Variants in TNFRSF11A observed in about 807,000 individuals in gnomAD.
TNFRSF11A encodes TNF receptor superfamily member 11a.
A neutral mutation model predicts 55.7 loss-of-function variants in TNFRSF11A; 32 were observed. That is an observed-to-expected ratio of 0.57 (90% CI 0.43 to 0.77). The LOEUF is 0.77. TNFRSF11A is among the 30% of genes least tolerant of loss of function. TNFRSF11A has a pLI of 0.00. For synonymous variants in TNFRSF11A, 311 were observed against 331.0 expected (o/e 0.94, Z 0.65); for missense variants, 753 against 809.8 (o/e 0.93, Z 0.85).
intron 1 of TNFRSF11A, among the ~76,000 whole-genome samples, chr18:62,335,292 G>A (rs1478370579): frequency 6.6e-6 from 1 of 151,962 alleles, no homozygotes. Context: ...TGTATTTTTA[G>A]TAGAGACAGG....
At chr18:62,337,851 G>A (rs1743603982) in intron 1 of TNFRSF11A, among the ~76,000 whole-genome samples, 1 of 152,194 alleles carries the variant, frequency 6.6e-6, no homozygotes, top group Admixed American at 6.5e-5. Context: ...CTGGCGCATA[G>A]TATGTGTTCA....
chr18:62,372,388 T>G (rs1440991458), intron 9 of TNFRSF11A, among the ~76,000 whole-genome samples: 1 of 152,136 alleles, frequency 6.6e-6, no homozygotes, highest in Non-Finnish European at 1.5e-5. Context: ...TTATGATTAA[T>G]GTGTCTGTTG....
rs376547854 is a variant in TNFRSF11A, at chr18:62,374,836, C to A, written c.1567+5352C>A. 1.4e-4 allele frequency among the ~76,000 whole-genome samples: 22 copies of A among 152,264 alleles called. No individual in the cohort carries two copies. The East Asian group carries it at 2.5e-3, about 17-fold the overall frequency. On this transcript the variant is annotated intron_variant, in intron 9 of 9. Coordinates refer to ENST00000586569, the MANE Select transcript of TNFRSF11A (RefSeq NM_003839.4). ...ACTTACTTGCTATTTTTAACACTCT[C>A]AAGTTACCTGAACATTTTTCTGGTT...
chr18:62,353,712 CGTGTGTGT>C (rs35838037), intron 3 of TNFRSF11A, among the ~76,000 whole-genome samples: 1 of 151,020 alleles, frequency 6.6e-6, no homozygotes, highest in Non-Finnish European at 1.5e-5. Flanking sequence ...ATAACAGATA[CGTGTGTGT>C]GTGTGTGTGT....
chr18:62,368,230 G>A (rs1321278723), intron 8 of TNFRSF11A, among the ~76,000 whole-genome samples: 2 of 152,250 alleles, frequency 1.3e-5, no homozygotes, highest in East Asian at 1.9e-4. Context: ...TTCCCCAGCT[G>A]TATGAAACCT....
At chr18:62,336,298 T>A (rs1280342514) in intron 1 of TNFRSF11A, 1 of 152,228 alleles carries the variant, frequency 6.6e-6, no homozygotes, top group Non-Finnish European at 1.5e-5. Flanking sequence ...AACCTGCATT[T>A]TAATAAAATT....
chr18:62,343,142 C>A lies in TNFRSF11A; in HGVS notation c.76-5026C>A, dbSNP rs1416529540. Among the ~76,000 whole-genome samples the A allele has an allele frequency of 3.3e-5, 5 of 152,274 alleles. No homozygotes were observed. The East Asian group carries it at 5.8e-4, about 18-fold the overall frequency. ...CTCTCTTAAGAAAAACCACATCTTTCGACTCTACTGTAAGATTCAGAAATT... is the reference window on the plus strand; with the variant it reads ...CTCTCTTAAGAAAAACCACATCTTTAGACTCTACTGTAAGATTCAGAAATT... On this transcript the variant is annotated intron_variant, in intron 1 of 9. Coordinates refer to ENST00000586569, the MANE Select transcript of TNFRSF11A (RefSeq NM_003839.4).
intron 9 of TNFRSF11A, among the ~76,000 whole-genome samples, chr18:62,370,534 T>TTGGGG: frequency 6.6e-6 from 1 of 152,350 alleles, no homozygotes; most frequent in South Asian, 2.1e-4. Context: ...GCTAGATCTG[T>TTGGGG]GCCTTAAACA....
intron 7 of TNFRSF11A, among the ~76,000 whole-genome samples, chr18:62,365,330 G>T (rs979750821): frequency 6.6e-6 from 1 of 152,162 alleles, no homozygotes; most frequent in African/African-American, 2.4e-5. Context: ...TTGTATCTTT[G>T]CATAATATAA....
At chr18:62,359,372 A>G (rs1352778592) in intron 5 of TNFRSF11A, among the ~76,000 whole-genome samples, 1 of 151,568 alleles carries the variant, frequency 6.6e-6, no homozygotes, top group Non-Finnish European at 1.5e-5. Context: ...AATTGAAGCT[A>G]TTGGAATATG....
intron 9 of TNFRSF11A, among the ~76,000 whole-genome samples, chr18:62,375,103 A>C (rs1191444662): frequency 6.8e-6 from 1 of 146,236 alleles, no homozygotes. Context: ...TTTTTTAGAG[A>C]CTGAGTTTCG....
intron 1 of TNFRSF11A, among the ~76,000 whole-genome samples, chr18:62,331,970 C>T (rs1325983128): frequency 6.6e-6 from 1 of 152,232 alleles, no homozygotes; most frequent in Non-Finnish European, 1.5e-5. Context: ...ACTGTAAAAA[C>T]CACCCTTTTA....
chr18:62,355,491 G>A (rs1459272609), intron 4 of TNFRSF11A, among the ~76,000 whole-genome samples: 1 of 152,086 alleles, frequency 6.6e-6, no homozygotes, highest in African/African-American at 2.4e-5. Flanking sequence ...TGGTCAGGCT[G>A]GTCTCGAACT....
chr18:62,380,987 T>C (rs768120142), intron 9 of TNFRSF11A, among the ~76,000 whole-genome samples: 5 of 151,984 alleles, frequency 3.3e-5, no homozygotes, highest in Non-Finnish European at 5.9e-5. Flanking sequence ...GTATTTTTCA[T>C]AGAGGCAGGG....
At chr18:62,350,012 G>C in intron 3 of TNFRSF11A, 75 bp downstream of exon 3, 6 of 1,592,652 alleles carry the variant, frequency 3.8e-6, no homozygotes, top group Non-Finnish European at 4.3e-6. Flanking sequence ...AACATTTTTA[G>C]AGGCAGCCAA....
intron 1 of TNFRSF11A, among the ~76,000 whole-genome samples, chr18:62,346,919 C>G (rs577362644): frequency 6.6e-6 from 1 of 152,218 alleles, no homozygotes; most frequent in Non-Finnish European, 1.5e-5. Flanking sequence ...TACTGCCTCC[C>G]AAGAGCTGTT....
chr18:62,358,614 G>C (rs557965501), intron 5 of TNFRSF11A, among the ~76,000 whole-genome samples: 1 of 152,296 alleles, frequency 6.6e-6, no homozygotes, highest in South Asian at 2.1e-4. Context: ...TTGTTTGGTT[G>C]AAAATGATTT....
intron 6 of TNFRSF11A, 130 bp downstream of exon 6, chr18:62,360,179 C>T: frequency 1.4e-6 from 1 of 711,108 alleles, no homozygotes; most frequent in South Asian, 1.5e-5. Flanking sequence ...GCATGGTCAG[C>T]TGAATATTTC....
At chr18:62,380,779 C>G (rs971283158) in intron 9 of TNFRSF11A, among the ~76,000 whole-genome samples, 8 of 151,076 alleles carry the variant, frequency 5.3e-5, no homozygotes, top group Admixed American at 4.6e-4. Flanking sequence ...CTTCCACAAG[C>G]CTCACGGCCT....
Sources: gnomAD v4.1 joint callset for allele counts (sites outside exome capture counted in the v4.1 genomes callset) on GRCh38, gnomAD v4.1.1 for gene constraint, MANE v1.5 for transcripts, NCBI Gene and HGNC (gene_info 2026-07-23, HGNC 2026-07-21) for gene names.